The following HERC3 variants were observed in gnomAD, a reference collection of about 807,000 sequenced individuals.
HERC3 encodes HECT and RLD domain containing E3 ubiquitin protein ligase 3.
HERC3 carries 58 observed loss-of-function variants against 129.9 expected under a neutral mutation model. The observed-to-expected ratio is 0.45, with a 90% CI of 0.36 to 0.56. HERC3 has a LOEUF of 0.56. Among genes scored for constraint, HERC3 ranks in the 20% least tolerant of loss-of-function variants. The pLI, the probability that HERC3 is intolerant of heterozygous loss-of-function variation, is 0.00. For synonymous variants in HERC3, 430 were observed against 451.0 expected, an observed-to-expected ratio of 0.95 and a Z score of 0.59; for missense variants, 835 against 1,244.2, an observed-to-expected ratio of 0.67 and a Z score of 4.95.
At chr4:88,690,383 T>C in intron 23 of HERC3, 1 of 985,426 alleles carries the variant, frequency 1.0e-6, no homozygotes, top group South Asian at 4.7e-5. Context: ...TTTATAACAT[T>C]GTAGATGCGT....
intron 2 of HERC3, among the ~76,000 whole-genome samples, chr4:88,604,303 G>A (rs1723374389): frequency 6.6e-6 from 1 of 152,222 alleles, no homozygotes; most frequent in South Asian, 2.1e-4. Context: ...ACAGGCATGA[G>A]CCACTACGCC....
the HERC3 span, among the ~76,000 whole-genome samples, chr4:88,557,201 T>C: frequency 6.6e-6 from 1 of 152,256 alleles, no homozygotes; most frequent in African/African-American, 2.4e-5. Context: ...ACCTCTATCA[T>C]AATGACTTCC....
intron 3 of HERC3, among the ~76,000 whole-genome samples, chr4:88,638,463 T>C (rs752669635): frequency 2.1e-4 from 32 of 152,084 alleles, no homozygotes; most frequent in Non-Finnish European, 3.8e-4. Flanking sequence ...ACATAATCTA[T>C]CACATAAACA....
chr4:88,662,310 G>T (rs549947603), intron 10 of HERC3, 121 bp from the exon 11 acceptor site: 76 of 947,440 alleles, frequency 8.0e-5, no homozygotes, highest in South Asian at 6.4e-4. Flanking sequence ...GATCTGGGCG[G>T]CACACTGCAG....
At chr4:88,649,780 T>C (rs1729077733) in intron 3 of HERC3, 60 bp from the exon 4 acceptor site, 2 of 1,409,856 alleles carry the variant, frequency 1.4e-6, no homozygotes, top group South Asian at 1.2e-5. Context: ...TCCTGTGTAA[T>C]GGTAGCAGTA....
At chr4:88,664,268 T>G in intron 12 of HERC3, 56 bp downstream of exon 12, 3 of 1,401,860 alleles carry the variant, frequency 2.1e-6, no homozygotes, top group Non-Finnish European at 3.0e-6. Flanking sequence ...CTCAAGCTAT[T>G]TGGAAGGCTG....
chr4:88,693,008 G>A, intron 23 of HERC3: 1 of 977,656 alleles, frequency 1.0e-6, no homozygotes, highest in Non-Finnish European at 1.2e-6. Flanking sequence ...ATATACATAT[G>A]GAATGGAATG....
intron 3 of HERC3, among the ~76,000 whole-genome samples, chr4:88,610,563 G>T (rs186972973): frequency 6.6e-6 from 1 of 151,762 alleles, no homozygotes; most frequent in African/African-American, 2.4e-5. Flanking sequence ...TGGTTCACAC[G>T]CCTCTGACGG....
At chr4:88,528,751 A>G in the HERC3 span, among the ~76,000 whole-genome samples, 502 of 152,322 alleles carry the variant, frequency 3.3e-3, 4 homozygotes, top group African/African-American at 0.012. Context: ...TCTTTCCACA[A>G]AAAATTATCC....
At position 88,652,078 on chromosome 4, in the gene HERC3, T is replaced by C. The variant is rs375161830; in HGVS notation, c.453T>C (p.Ala151=). Residue 151 remains alanine (A), a synonymous_variant, in exon 5 of 26, where the codon GCT becomes GCC. Coordinates refer to ENST00000402738, the MANE Select transcript of HERC3 (RefSeq NM_014606.3). ...CCTGTGGCAACTGGCATTGCTTGGCTCTTGCGGCTGGTAAAGTAACATTAA... is the reference window on the plus strand; with the variant it reads ...CCTGTGGCAACTGGCATTGCTTGGCCCTTGCGGCTGGTAAAGTAACATTAA... ...QVSCGNWHCL[A]LAADGQFFTW... 4 of 1,611,112 alleles carry C rather than the reference T, an allele frequency of 2.5e-6. No homozygotes were observed. Among genetic ancestry groups the C allele is most frequent in the Non-Finnish European group, 3.4e-6 (4 of 1,177,318 alleles).
intron 23 of HERC3, chr4:88,696,245 C>G (rs1406158956): frequency 1.3e-5 from 2 of 152,560 alleles, no homozygotes; most frequent in Non-Finnish European, 2.9e-5. Context: ...TATATTTTTT[C>G]CAAACATTAG....
In HERC3 at chr4:88,606,067, G is replaced by A; in HGVS notation, c.226+18G>A. On this transcript the variant is annotated intron_variant, in intron 3 of 25. Transcript: ENST00000402738. ...CAAGCCAGGTAAGTGCACCTTATCT[G>A]TCTTGATTATTGGTGAGAATGGAAA... 6.3e-7 allele frequency: 1 copy of A among 1,591,572 alleles called. No individual in the cohort carries two copies. Among genetic ancestry groups the A allele is most frequent in the East Asian group, 2.2e-5 (1 of 44,532 alleles).
the HERC3 span, among the ~76,000 whole-genome samples, chr4:88,568,991 C>T: frequency 2.0e-5 from 3 of 152,066 alleles, no homozygotes; most frequent in Non-Finnish European, 4.4e-5. Context: ...AGGTCACATG[C>T]ACCCCAAGTC....
intron 23 of HERC3, among the ~76,000 whole-genome samples, chr4:88,688,848 C>A (rs1386688066): frequency 6.6e-6 from 1 of 152,064 alleles, no homozygotes; most frequent in Non-Finnish European, 1.5e-5. Context: ...CTTAGAGGAG[C>A]TATATAAGTT....
chr4:88,654,566 A>G (rs1249748738), intron 7 of HERC3, among the ~76,000 whole-genome samples: 1 of 148,926 alleles, frequency 6.7e-6, no homozygotes, highest in African/African-American at 2.4e-5. Context: ...TGTATATATA[A>G]TATATATAAA....
At chr4:88,553,831 G>A in the HERC3 span, among the ~76,000 whole-genome samples, 1 of 152,124 alleles carries the variant, frequency 6.6e-6, no homozygotes, top group South Asian at 2.1e-4. Flanking sequence ...CCACTGCGCG[G>A]CCACCATATA....
chr4:88,535,885 A>G, the HERC3 span, among the ~76,000 whole-genome samples: 1 of 152,266 alleles, frequency 6.6e-6, no homozygotes, highest in Non-Finnish European at 1.5e-5. Context: ...ATTACAGAGT[A>G]GAAATAATGC....
At position 88,654,023 on chromosome 4, in the gene HERC3, G is replaced by A; in HGVS notation, c.686-19G>A. The stretch of plus-strand genomic sequence containing the variant: ...CAAAGGCAAATGGTAGTGATATTCT[G>A]ATATTTAATTTATTCTAGATCGAGA... On this transcript the variant is annotated intron_variant, in intron 6 of 25. Coordinates refer to ENST00000402738, the MANE Select transcript of HERC3 (RefSeq NM_014606.3). 6.4e-7 allele frequency: 1 copy of A among 1,556,050 alleles called. No homozygotes were observed. The highest frequency in any genetic ancestry group is 8.9e-7 in the Non-Finnish European group (1 of 1,128,226).
At chr4:88,601,778 C>CGTCT (rs1722993650) in intron 2 of HERC3, among the ~76,000 whole-genome samples, 4 of 142,084 alleles carry the variant, frequency 2.8e-5, no homozygotes, top group African/African-American at 1.2e-4. Flanking sequence ...ATTCAGGGGC[C>CGTCT]GGGCGCGGTG....
Sources: allele counts gnomAD v4.1 joint callset (sites outside exome capture counted in the v4.1 genomes callset), GRCh38; gene constraint gnomAD v4.1.1; transcripts MANE v1.5; gene names NCBI Gene and HGNC (gene_info 2026-07-23, HGNC 2026-07-21).